MYLIP: variants seen among roughly 807,000 people sequenced by gnomAD.
The protein encoded by MYLIP is E3 ubiquitin-protein ligase MYLIP.
MYLIP carries 26 observed loss-of-function variants against 45.8 expected under a neutral mutation model. The ratio of observed to expected loss-of-function variants is 0.57; its 90% CI spans 0.42 to 0.79. The LOEUF is 0.79. Among genes scored for constraint, MYLIP ranks in the 30% least tolerant of loss-of-function variants. The pLI is 0.00. For missense variants in MYLIP, 494 were observed against 555.6 expected (o/e 0.89, Z 1.11); for synonymous variants, 213 against 218.1 (o/e 0.98, Z 0.21).
At chr6:16,157,448 G>A in the MYLIP span, among the ~76,000 whole-genome samples, 1 of 152,106 alleles carries the variant, frequency 6.6e-6, no homozygotes, top group African/African-American at 2.4e-5. Flanking sequence ...TTTATTGTCT[G>A]TCTCCTCTTC....
In MYLIP at chr6:16,143,897, C is replaced by T. The variant is rs777281734; in HGVS notation, c.827+34C>T. ...CTCGTGTGCTTGGTCACCTCAGCAC[C>T]ACAGCTCTCAGGTTTTTAGGTGACA... is the stretch of plus-strand genomic sequence containing the variant. On this transcript the variant is annotated intron_variant, in intron 5 of 6. Coordinates refer to ENST00000356840, the MANE Select transcript of MYLIP (RefSeq NM_013262.4). 7 of 1,592,344 alleles carry T rather than the reference C, an allele frequency of 4.4e-6. No homozygotes were observed. The East Asian group carries it at 6.7e-5, about 15-fold the overall frequency.
the MYLIP span, chr6:16,163,719 T>C: frequency 6.6e-6 from 1 of 152,216 alleles, no homozygotes; most frequent in Non-Finnish European, 1.5e-5. Flanking sequence ...TTCTATAATC[T>C]TCCTTTTCCT....
chr6:16,137,299 G>C (rs924616560), intron 2 of MYLIP, among the ~76,000 whole-genome samples: 1 of 152,142 alleles, frequency 6.6e-6, no homozygotes, highest in Admixed American at 6.5e-5. Context: ...AATAAACTGT[G>C]GTTAAGTGAC....
At chr6:16,142,863 A>T (rs1480257850) in intron 3 of MYLIP, among the ~76,000 whole-genome samples, 157 bp from the exon 4 acceptor site, 3 of 152,226 alleles carry the variant, frequency 2.0e-5, no homozygotes, top group Non-Finnish European at 4.4e-5. Context: ...CGTTTTTTAT[A>T]GTAAGTTCGC....
the MYLIP span, among the ~76,000 whole-genome samples, chr6:16,156,192 G>A: frequency 1.3e-5 from 2 of 152,082 alleles, no homozygotes; most frequent in African/African-American, 4.8e-5. Flanking sequence ...AGGCAGGGTG[G>A]GCCATGGGTG....
At chr6:16,142,154 T>C (rs1394248294) in intron 3 of MYLIP, among the ~76,000 whole-genome samples, 6 of 152,232 alleles carry the variant, frequency 3.9e-5, no homozygotes, top group Non-Finnish European at 8.8e-5. Flanking sequence ...ATCAAATGTA[T>C]AAGCATTTCC....
chr6:16,141,048 G>T (rs959260226), intron 2 of MYLIP, among the ~76,000 whole-genome samples: 2 of 152,184 alleles, frequency 1.3e-5, no homozygotes, highest in African/African-American at 4.8e-5. Flanking sequence ...GTCAGTCCGT[G>T]GTCTCCATTC....
chr6:16,144,965 T>C lies in MYLIP; in HGVS notation c.896T>C (p.Leu299Pro), dbSNP rs771274598. The change falls in exon 6 of 7, where the codon CTG becomes CCG. Residue 299 changes from leucine to proline, a missense_variant. Coordinates refer to ENST00000356840, the MANE Select transcript of MYLIP (RefSeq NM_013262.4). Reference protein sequence around the residue: ...SRDLKGHLASLFLNENINLGK... With the variant: ...SRDLKGHLASPFLNENINLGK... ...GACTTGAAGGGCCACTTGGCATCTC[T>C]GTTTCTGAATGAAAACATTAACCTT... is the stretch of plus-strand genomic sequence containing the variant. The C allele has an allele frequency of 6.2e-7, 1 of 1,614,250 alleles. No homozygotes were observed.
rs1050232704 is a variant in MYLIP at position 16,148,166 on chromosome 6, A to T, written c.*1415A>T. The T allele has an allele frequency of 3.9e-5, 6 of 152,662 alleles. No homozygotes were observed. Among genetic ancestry groups the T allele is most frequent in the African/African-American group, 7.2e-5 (3 of 41,454 alleles). The allele number at this position is 152,662 out of a possible 1,614,324, so 9.5% of individuals were successfully genotyped here. ...TATTTATTTTTTCACTTGTAAAAAA[A>T]TAATGTTTCCACGTAAAGAACTCTG... On this transcript the variant is annotated 3_prime_UTR_variant, in exon 7 of 7. Transcript: ENST00000356840.
chr6:16,160,446 G>A, the MYLIP span, among the ~76,000 whole-genome samples: 1 of 152,104 alleles, frequency 6.6e-6, no homozygotes, highest in Non-Finnish European at 1.5e-5. Flanking sequence ...TCGGGAATTC[G>A]ATTCCTCCTG....
chr6:16,154,415 G>A, the MYLIP span, among the ~76,000 whole-genome samples: 1 of 152,194 alleles, frequency 6.6e-6, no homozygotes, highest in Non-Finnish European at 1.5e-5. Context: ...ACATGCCCGT[G>A]AAGCAGAGAT....
rs1759407716 is a variant in MYLIP, at chr6:16,129,424, C to G, written c.87+15C>G. ...GCCTCAACCAGGTGAGGGCGAGGGG[C>G]AAGAAGGGGCCCCGGCGGGTCCCGC... is the stretch of plus-strand genomic sequence containing the variant. On this transcript the variant is annotated intron_variant, in intron 1 of 6. Coordinates refer to ENST00000356840, the MANE Select transcript of MYLIP (RefSeq NM_013262.4). The surrounding 1 kb of genome is among the most constrained non-coding windows in gnomAD (Gnocchi z 5.1). The G allele has an allele frequency of 6.4e-7, 1 of 1,570,738 alleles. No homozygotes were observed. The highest frequency in any genetic ancestry group is 1.2e-5 in the South Asian group (1 of 85,874).
chr6:16,142,664 C>CA (rs1307976098), intron 3 of MYLIP, among the ~76,000 whole-genome samples: 2 of 152,212 alleles, frequency 1.3e-5, no homozygotes, highest in Non-Finnish European at 2.9e-5. Context: ...TCCCTGGCCA[C>CA]AGGGGCCTCA....
At chr6:16,148,969 T>C (rs1354359850), downstream of MYLIP, among the ~76,000 whole-genome samples, 1 of 152,194 alleles carries the variant, frequency 6.6e-6, no homozygotes, top group Non-Finnish European at 1.5e-5. Flanking sequence ...TTACTGTACC[T>C]ATAACCTAAG....
chr6:16,142,353 T>C (rs1212282578), intron 3 of MYLIP, among the ~76,000 whole-genome samples: 6 of 152,226 alleles, frequency 3.9e-5, no homozygotes, highest in Non-Finnish European at 8.8e-5. Flanking sequence ...TCTCCTAAAA[T>C]AAAAAATCTA....
downstream of MYLIP, among the ~76,000 whole-genome samples, chr6:16,151,161 A>C (rs981393504): frequency 6.6e-6 from 1 of 151,816 alleles, no homozygotes; most frequent in African/African-American, 2.4e-5. Context: ...CATCCTGGCT[A>C]ACACAGTGAA....
intron 1 of MYLIP, among the ~76,000 whole-genome samples, chr6:16,130,340 C>A (rs1189421933): frequency 6.6e-6 from 1 of 152,146 alleles, no homozygotes; most frequent in Non-Finnish European, 1.5e-5. Context: ...TGCAATTGGT[C>A]ATGCCCTAGA....
Position 16,147,441 on chromosome 6 carries a change from T to C in MYLIP, c.*690T>C, listed in dbSNP as rs1420610937. 6.6e-6 allele frequency: 1 copy of C among 152,578 alleles called. No homozygotes were observed. The highest frequency in any genetic ancestry group is 1.5e-5 in the Non-Finnish European group (1 of 68,032). The allele number at this position is 152,578 out of a possible 1,614,324, so 9.5% of individuals were successfully genotyped here. A position where few individuals can be genotyped will look rare whatever the true frequency, so the allele number is the denominator to read the frequency against. ...TATCCCTACCCCACAAGCCTTTCGA[T>C]TATAAAATACTACCAATCTTGTTAT... On this transcript the variant is annotated 3_prime_UTR_variant, in exon 7 of 7. Transcript: ENST00000356840.
rs751119580 is a variant in MYLIP, at chr6:16,129,352, G to C, written c.30G>C (p.Ala10=). ...TGTGTTATGTGACGAGGCCGGACGC[G>C]GTGCTGATGGAGGTGGAGGTGGAGG... MLCYVTRPD[A]VLMEVEVEAK... The change falls in exon 1 of 7, where the codon GCG becomes GCC. Residue 10 remains alanine (A), a synonymous_variant. Coordinates refer to ENST00000356840, the MANE Select transcript of MYLIP (RefSeq NM_013262.4). This position sits in a 1 kb window ranked among gnomAD's most constrained non-coding sequence, Gnocchi z 5.1. The C allele has an allele frequency of 1.9e-6, 3 of 1,588,834 alleles. No individual in the cohort carries two copies. The highest frequency in any genetic ancestry group is 2.3e-5 in the East Asian group (1 of 43,266).
Sources: allele counts gnomAD v4.1 joint callset (sites outside exome capture counted in the v4.1 genomes callset), GRCh38; gene constraint gnomAD v4.1.1; non-coding constraint Gnocchi (gnomAD v3.1); transcripts MANE v1.5; gene names NCBI Gene and HGNC (gene_info 2026-07-23, HGNC 2026-07-21).